The following AGBL4 variants were observed in gnomAD, a reference collection of about 807,000 sequenced individuals.
AGBL4 encodes the protein cytosolic carboxypeptidase 6.
In AGBL4, 58 loss-of-function variants were observed where a neutral mutation model predicts 66.4. The observed-to-expected ratio is 0.87, with a 90% CI of 0.71 to 1.09. AGBL4 has a LOEUF of 1.09. Ranked by LOEUF, AGBL4 falls within the 50% of genes least tolerant of loss-of-function variation. AGBL4 has a pLI of 0.00. For missense variants in AGBL4, 579 were observed against 631.0 expected, an observed-to-expected ratio of 0.92 and a Z score of 0.88; for synonymous variants, 234 against 222.9, an observed-to-expected ratio of 1.05 and a Z score of -0.44.
chr1:49,438,491 C>A (rs1442649673), intron 3 of AGBL4, among the ~76,000 whole-genome samples: 1 of 152,124 alleles, frequency 6.6e-6, no homozygotes, highest in South Asian at 2.1e-4. Flanking sequence ...AGGTGCTAGT[C>A]CCAGGCTAAC....
chr1:48,642,000 C>G (rs1459041352), intron 8 of AGBL4, among the ~76,000 whole-genome samples: 1 of 152,032 alleles, frequency 6.6e-6, no homozygotes, highest in Non-Finnish European at 1.5e-5. Context: ...CCCCTACCAC[C>G]CAGGGTAATA....
intron 6 of AGBL4, among the ~76,000 whole-genome samples, chr1:48,709,864 A>G (rs11802683): frequency 0.039 from 5,865 of 152,144 alleles, 338 homozygotes; most frequent in African/African-American, 0.12. Flanking sequence ...GGCCTCCCAA[A>G]GTGCTGGGAT....
intron 3 of AGBL4, among the ~76,000 whole-genome samples, chr1:49,393,880 C>A (rs1198079062): frequency 2.6e-5 from 4 of 152,106 alleles, no homozygotes; most frequent in African/African-American, 9.7e-5. Context: ...TTACTCACAA[C>A]AAAATTTGTT....
intron 1 of AGBL4, among the ~76,000 whole-genome samples, chr1:49,911,069 G>T (rs746858188): frequency 6.6e-6 from 1 of 152,166 alleles, no homozygotes; most frequent in Non-Finnish European, 1.5e-5. Flanking sequence ...TGGAAGGGAG[G>T]TTCAGAGTTG....
intron 2 of AGBL4, among the ~76,000 whole-genome samples, chr1:49,769,447 C>G (rs1425365932): frequency 6.6e-6 from 1 of 151,962 alleles, no homozygotes; most frequent in African/African-American, 2.4e-5. Context: ...TTATTTGTCA[C>G]AAAATTAGAA....
intron 4 of AGBL4, among the ~76,000 whole-genome samples, chr1:49,096,005 A>G (rs1645092466): frequency 6.6e-6 from 1 of 152,138 alleles, no homozygotes; most frequent in South Asian, 2.1e-4. Flanking sequence ...AAAAACAAAC[A>G]ACCCCATCAA....
chr1:49,282,132 G>A (rs1570323576), intron 3 of AGBL4, among the ~76,000 whole-genome samples: 1 of 152,178 alleles, frequency 6.6e-6, no homozygotes, highest in Non-Finnish European at 1.5e-5. Context: ...TTGGAGAATT[G>A]CTTGGTGTGT....
chr1:49,009,157 A>C (rs1225967591), intron 5 of AGBL4, among the ~76,000 whole-genome samples: 1 of 152,070 alleles, frequency 6.6e-6, no homozygotes, highest in Non-Finnish European at 1.5e-5. Flanking sequence ...AAAAAGAGAG[A>C]AGAATCAAAT....
chr1:49,232,535 A>T (rs1440497363), intron 4 of AGBL4, among the ~76,000 whole-genome samples: 1 of 152,010 alleles, frequency 6.6e-6, no homozygotes, highest in Non-Finnish European at 1.5e-5. Flanking sequence ...TGTCTCTACT[A>T]AAAATACAAA....
chr1:49,830,507 GC>G (rs1414605265), intron 2 of AGBL4, among the ~76,000 whole-genome samples: 2 of 152,068 alleles, frequency 1.3e-5, no homozygotes, highest in Non-Finnish European at 2.9e-5. Flanking sequence ...CTGGATATTA[GC>G]CCTTTATCAG....
chr1:49,742,715 T>C (rs1650622563), intron 2 of AGBL4, among the ~76,000 whole-genome samples: 1 of 151,972 alleles, frequency 6.6e-6, no homozygotes, highest in South Asian at 2.1e-4. Flanking sequence ...TACAGACCAA[T>C]GGAACAGAAC....
intron 4 of AGBL4, among the ~76,000 whole-genome samples, chr1:49,175,786 A>C (rs1030950056): frequency 2.6e-5 from 4 of 152,182 alleles, no homozygotes; most frequent in Non-Finnish European, 5.9e-5. Flanking sequence ...AGTTCAAATC[A>C]AGGTCAAAGA....
intron 6 of AGBL4, among the ~76,000 whole-genome samples, chr1:48,853,574 G>A (rs79741982): frequency 0.032 from 4,838 of 152,132 alleles, 268 homozygotes; most frequent in African/African-American, 0.11. Flanking sequence ...TTTTATAAAC[G>A]GTAAAATGGA....
chr1:48,668,423 C>T, intron 6 of AGBL4, among the ~76,000 whole-genome samples: 1 of 99,282 alleles, frequency 1.0e-5, no homozygotes, highest in East Asian at 2.2e-4. Flanking sequence ...GTCCAGCCCC[C>T]TTAGCCTAGA....
At chr1:48,783,058 T>C (rs1381460312) in intron 6 of AGBL4, among the ~76,000 whole-genome samples, 1 of 152,254 alleles carries the variant, frequency 6.6e-6, no homozygotes, top group Non-Finnish European at 1.5e-5. Flanking sequence ...TACTTAATAA[T>C]ATGCATTTAA....
At chr1:48,564,875 CT>C (rs1644451717) in intron 11 of AGBL4, among the ~76,000 whole-genome samples, 1 of 152,316 alleles carries the variant, frequency 6.6e-6, no homozygotes, top group Admixed American at 6.5e-5. Context: ...GGCCCTCCAT[CT>C]GTAACCTGAC....
At chr1:48,927,881 C>T (rs1370749674) in intron 5 of AGBL4, among the ~76,000 whole-genome samples, 2 of 152,166 alleles carry the variant, frequency 1.3e-5, no homozygotes, top group Non-Finnish European at 2.9e-5. Flanking sequence ...CTTGTGTCTG[C>T]CCTTTAACCA....
chr1:49,762,619 G>A (rs573205326), intron 2 of AGBL4, among the ~76,000 whole-genome samples: 1 of 152,028 alleles, frequency 6.6e-6, no homozygotes, highest in Non-Finnish European at 1.5e-5. Flanking sequence ...TCACCATGTT[G>A]GCCAGGATGG....
intron 5 of AGBL4, among the ~76,000 whole-genome samples, chr1:48,874,776 A>G (rs1485272584): frequency 6.6e-6 from 1 of 152,046 alleles, no homozygotes; most frequent in Non-Finnish European, 1.5e-5. Flanking sequence ...CTCTGTGAGG[A>G]AAGAGAGCAG....
Sources: allele counts gnomAD v4.1 joint callset (sites outside exome capture counted in the v4.1 genomes callset), GRCh38; gene constraint gnomAD v4.1.1; transcripts MANE v1.5; gene names NCBI Gene and HGNC (gene_info 2026-07-23, HGNC 2026-07-21).